Variants in ATG4A observed in about 807,000 individuals in gnomAD.
The protein encoded by ATG4A is autophagy related 4A cysteine peptidase.
ATG4A carries 22 observed loss-of-function variants against 38.4 expected under a neutral mutation model. That is an observed-to-expected ratio of 0.57 (90% CI 0.41 to 0.82). ATG4A has a LOEUF of 0.82. Ranked by LOEUF, ATG4A falls within the 40% of genes least tolerant of loss-of-function variation. The pLI is 0.00. For synonymous variants in ATG4A, 86 were observed against 100.7 expected (o/e 0.85, Z 0.88); for missense variants, 220 against 290.0 (o/e 0.76, Z 1.75).
At chrX:108,134,283 G>A in intron 5 of ATG4A, 56 bp from the exon 6 acceptor site, 3 of 1,170,830 alleles carry the variant, frequency 2.6e-6, no homozygotes, top group Non-Finnish European at 3.5e-6. Context: ...TTAAGATTTT[G>A]TGGCTTATTG....
chrX:108,098,979 T>C (rs956538424), intron 1 of ATG4A, among the ~76,000 whole-genome samples: 1 of 110,310 alleles, frequency 9.1e-6, no homozygotes, highest in Non-Finnish European at 1.9e-5. Context: ...AGATGGAAAT[T>C]TTCATCTCTC....
chrX:108,129,202 A>G (rs980725688), intron 3 of ATG4A, among the ~76,000 whole-genome samples: 2 of 112,626 alleles, frequency 1.8e-5, no homozygotes, highest in Admixed American at 9.4e-5. Context: ...TTGTGGAACT[A>G]CATGATTATT....
intron 1 of ATG4A, among the ~76,000 whole-genome samples, chrX:108,124,821 C>T (rs1341774202): frequency 9.0e-6 from 1 of 111,201 alleles, no homozygotes; most frequent in Admixed American, 9.5e-5. Flanking sequence ...AACAACATGC[C>T]CTGGCCTTAG....
rs777379808 is a variant in ATG4A, at chrX:108,131,245, C to T, written c.194-15C>T. The T allele has an allele frequency of 1.6e-4, 188 of 1,203,335 alleles. 1 individual carries two copies. In the Middle Eastern group the frequency reaches 1.6e-3, roughly 10 times the overall value. Reference sequence around the variant, plus strand: ...TTGAGGAACCCATATTAATTCCCTTCCATTTTGCCAACAGGTGGAACGGGC... The same window carrying T: ...TTGAGGAACCCATATTAATTCCCTTTCATTTTGCCAACAGGTGGAACGGGC... On this transcript the variant is annotated splice_polypyrimidine_tract_variant and intron_variant, in intron 3 of 12. Coordinates refer to ENST00000372232, the MANE Select transcript of ATG4A (RefSeq NM_052936.5).
chrX:108,122,922 A>G (rs975350527), intron 1 of ATG4A, among the ~76,000 whole-genome samples: 3 of 111,988 alleles, frequency 2.7e-5, no homozygotes, highest in African/African-American at 9.7e-5. Flanking sequence ...CTCCGGAAAG[A>G]CCTCAATAGG....
chrX:108,133,517 G>A (rs1004457830), intron 4 of ATG4A, among the ~76,000 whole-genome samples: 54 of 112,560 alleles, frequency 4.8e-4, no homozygotes, highest in African/African-American at 1.6e-3. Context: ...GTGTAAAAAC[G>A]ACAGCATGCA....
intron 9 of ATG4A, among the ~76,000 whole-genome samples, chrX:108,144,077 G>A (rs2033368829): frequency 9.1e-6 from 1 of 110,429 alleles, no homozygotes; most frequent in Non-Finnish European, 1.9e-5. Flanking sequence ...GAGTGCCTTG[G>A]TCAGAGTCTG....
At chrX:108,140,626 G>A (rs1420821613) in intron 9 of ATG4A, among the ~76,000 whole-genome samples, 2 of 100,905 alleles carry the variant, frequency 2.0e-5, no homozygotes, top group East Asian at 3.0e-4. Flanking sequence ...TATATAAAAT[G>A]TATTACATAT....
intron 4 of ATG4A, among the ~76,000 whole-genome samples, chrX:108,133,712 G>A (rs967284572): frequency 1.8e-5 from 2 of 112,104 alleles, no homozygotes; most frequent in Admixed American, 9.5e-5. Flanking sequence ...ATGTACTGCC[G>A]GGCTTTGTGG....
intron 6 of ATG4A, 118 bp downstream of exon 6, chrX:108,134,529 A>G (rs1314551022): frequency 1.5e-5 from 9 of 607,476 alleles, no homozygotes; most frequent in Non-Finnish European, 2.0e-5. Flanking sequence ...TACTCCTCCC[A>G]CTAAACCATC....
At chrX:108,123,412 G>A (rs1480243740) in intron 1 of ATG4A, among the ~76,000 whole-genome samples, 6 of 112,245 alleles carry the variant, frequency 5.3e-5, no homozygotes, top group Non-Finnish European at 1.1e-4. Context: ...TATTGGAAAT[G>A]ATATTTTACT....
chrX:108,128,742 G>C, intron 2 of ATG4A, 39 bp from the exon 3 acceptor site: 1 of 981,402 alleles, frequency 1.0e-6, no homozygotes. Flanking sequence ...GGTATTTTTA[G>C]ATATGGTGAT....
chrX:108,097,135 A>G (rs1448426022), intron 1 of ATG4A, among the ~76,000 whole-genome samples: 1 of 111,727 alleles, frequency 9.0e-6, no homozygotes, highest in Non-Finnish European at 1.9e-5. Flanking sequence ...TGCAGCTCCT[A>G]CCTTTTTTAA....
chrX:108,091,559 C>T (rs1343436373), upstream of ATG4A: 1 of 1,153,579 alleles, frequency 8.7e-7, no homozygotes, highest in Non-Finnish European at 1.2e-6. Flanking sequence ...CGAGCAACGC[C>T]CGCCTCACGT....
chrX:108,100,574 A>G (rs2031974134), intron 1 of ATG4A, among the ~76,000 whole-genome samples: 1 of 111,123 alleles, frequency 9.0e-6, no homozygotes, highest in African/African-American at 3.3e-5. Flanking sequence ...TTTGAAGTTT[A>G]GATCGTTCCC....
intron 10 of ATG4A, 41 bp downstream of exon 10, chrX:108,150,338 G>A (rs950928919): frequency 8.3e-7 from 1 of 1,201,897 alleles, no homozygotes; most frequent in Admixed American, 2.2e-5. Flanking sequence ...GATACGATGT[G>A]TACAGATTGG....
rs1485783559 is a variant in ATG4A at position 108,140,580 on chromosome X, TA to T, written c.814+2390del. ...ACACACACACACACATTTATACATA[TA>T]TATACATATATATACATTATATATA... On this transcript the variant is annotated intron_variant, in intron 9 of 12. Transcript: ENST00000372232. 6.7e-3 allele frequency among the ~76,000 whole-genome samples: 698 copies of T among 104,451 alleles called. 3 individuals carry two copies. The highest frequency in any genetic ancestry group is 0.012 in the Non-Finnish European group (604 of 51,757). 90.7% of individuals were successfully genotyped at this position (104,451 alleles called of 115,157 possible). A position where few individuals can be genotyped will look rare whatever the true frequency, so the allele number is the denominator to read the frequency against.
chrX:108,139,114 A>G (rs1342459804), intron 9 of ATG4A, among the ~76,000 whole-genome samples: 1 of 111,146 alleles, frequency 9.0e-6, no homozygotes, highest in African/African-American at 3.3e-5. Flanking sequence ...TTACAAGGGA[A>G]TGGCATGAGG....
chrX:108,115,065 C>T (rs1330482120), intron 1 of ATG4A, among the ~76,000 whole-genome samples: 2 of 108,277 alleles, frequency 1.8e-5, no homozygotes, highest in East Asian at 2.9e-4. Context: ...ATCTGAGGCC[C>T]CTAACTGCTT....
Sources: gnomAD v4.1 joint callset for allele counts (sites outside exome capture counted in the v4.1 genomes callset) on GRCh38, gnomAD v4.1.1 for gene constraint, MANE v1.5 for transcripts, NCBI Gene and HGNC (gene_info 2026-07-23, HGNC 2026-07-21) for gene names.